The following CDH18 variants were observed in gnomAD, a reference collection of about 807,000 sequenced individuals.
The protein encoded by CDH18 is cadherin-18.
In CDH18, 31 loss-of-function variants were observed where a neutral mutation model predicts 67.9. That is an observed-to-expected ratio of 0.46 (90% confidence interval 0.34 to 0.62). The LOEUF (loss-of-function observed/expected upper bound fraction) is 0.62, where lower values mean the gene tolerates loss of function less well. Ranked by LOEUF, CDH18 falls within the 20% of genes least tolerant of loss-of-function variation. The pLI, the probability that CDH18 is intolerant of heterozygous loss-of-function variation, is 0.01. For missense variants in CDH18, 890 were observed against 975.5 expected, an observed-to-expected ratio of 0.91 and a Z score of 1.17; for synonymous variants, 362 against 347.2, an observed-to-expected ratio of 1.04 and a Z score of -0.48.
intron 1 of CDH18, among the ~76,000 whole-genome samples, chr5:20,336,718 C>G (rs1385417727): frequency 2.7e-5 from 1 of 36,878 alleles, no homozygotes; most frequent in African/African-American, 6.7e-5. Flanking sequence ...GAGGGAGCCT[C>G]TGTCTCAAAA....
intron 2 of CDH18, among the ~76,000 whole-genome samples, chr5:19,845,609 A>T (rs1229389967): frequency 1.3e-5 from 2 of 151,978 alleles, no homozygotes; most frequent in Non-Finnish European, 2.9e-5. Context: ...AAAGTTTAGT[A>T]TTGACAATTT....
At chr5:20,429,117 G>C (rs921170894) in intron 1 of CDH18, among the ~76,000 whole-genome samples, 5 of 151,336 alleles carry the variant, frequency 3.3e-5, no homozygotes, top group Non-Finnish European at 7.4e-5. Context: ...CTCTCCTCAA[G>C]AAAGACTGTG....
intron 5 of CDH18, among the ~76,000 whole-genome samples, chr5:19,623,403 A>G (rs1750999396): frequency 6.6e-6 from 1 of 152,210 alleles, no homozygotes; most frequent in African/African-American, 2.4e-5. Context: ...AACTAAAAAC[A>G]TTTAAATATC....
rs181591483 is a variant in CDH18, at chr5:19,490,069, T to C, written c.1631-6517A>G. 4.5e-3 allele frequency among the ~76,000 whole-genome samples: 692 copies of C among 152,202 alleles called. 11 individuals are homozygous for C. Among genetic ancestry groups the C allele is most frequent in the African/African-American group, 0.016 (646 of 41,554 alleles). On this transcript the variant is annotated intron_variant, in intron 11 of 12. Coordinates refer to ENST00000382275, the MANE Select transcript of CDH18 (RefSeq NM_004934.5). ...ACAAACCTTTTATAAACAGTATTTT[T>C]TTAGTAGAGAATGAATGAGTTAAAA...
intron 3 of CDH18, among the ~76,000 whole-genome samples, chr5:19,778,689 T>C (rs1561282057): frequency 1.3e-5 from 2 of 152,126 alleles, no homozygotes; most frequent in Non-Finnish European, 2.9e-5. Flanking sequence ...AAAGTCAAAC[T>C]AATGAACAAT....
chr5:20,197,145 G>A (rs888352632), intron 2 of CDH18, among the ~76,000 whole-genome samples: 1 of 152,104 alleles, frequency 6.6e-6, no homozygotes, highest in East Asian at 1.9e-4. Flanking sequence ...CCAAGTAGGT[G>A]GGACTACAGG....
At chr5:20,510,353 T>A (rs973243442) in intron 1 of CDH18, among the ~76,000 whole-genome samples, 2 of 152,170 alleles carry the variant, frequency 1.3e-5, no homozygotes, top group African/African-American at 4.8e-5. Flanking sequence ...CGCCCCTTCC[T>A]CTGTTGTTAT....
At chr5:19,664,920 G>T (rs1001332265) in intron 5 of CDH18, among the ~76,000 whole-genome samples, 1 of 151,956 alleles carries the variant, frequency 6.6e-6, no homozygotes, top group Non-Finnish European at 1.5e-5. Flanking sequence ...AAGGACTGAC[G>T]TAGAGTTGCG....
chr5:19,856,951 G>T (rs960091350), intron 2 of CDH18, among the ~76,000 whole-genome samples: 4 of 152,072 alleles, frequency 2.6e-5, no homozygotes, highest in African/African-American at 9.7e-5. Flanking sequence ...GGTTGGGCAA[G>T]ATCACTCACG....
chr5:19,738,028 T>C (rs1472402327), intron 4 of CDH18, among the ~76,000 whole-genome samples: 1 of 152,154 alleles, frequency 6.6e-6, no homozygotes, highest in African/African-American at 2.4e-5. Context: ...TGAATGGATA[T>C]GATAAATATA....
chr5:20,039,617 A>C (rs1018070978), intron 2 of CDH18, among the ~76,000 whole-genome samples: 1 of 152,170 alleles, frequency 6.6e-6, no homozygotes, highest in African/African-American at 2.4e-5. Context: ...CATTTAACAA[A>C]TCTTGTTGGG....
Position 20,281,033 on chromosome 5 carries a change from T to C in CDH18, c.-579-25528A>G, listed in dbSNP as rs1437843489. On this transcript the variant is annotated intron_variant, in intron 1 of 14. Coordinates refer to the CDH18 transcript ENST00000507958. ...TTGAGAAGTGTCTGTTCCTATCCTT[T>C]TCCCACTTTTTGATGGGGTTGTTTG... Among the ~76,000 whole-genome samples the C allele has an allele frequency of 2.8e-3, 430 of 152,270 alleles. 4 individuals are homozygous for C. Among genetic ancestry groups the C allele is most frequent in the African/African-American group, 9.9e-3 (410 of 41,514 alleles).
chr5:19,473,030 CTTT>C lies in CDH18; in HGVS notation c.*193_*195del, dbSNP rs34972691. The C allele has an allele frequency of 0.015, 6,148 of 401,388 alleles. No homozygotes were observed. Among genetic ancestry groups the C allele is most frequent in the Middle Eastern group, 0.02 (28 of 1,384 alleles). The allele number at this position is 401,388 out of a possible 1,614,324, so 24.9% of individuals were successfully genotyped here. On this transcript the variant is annotated 3_prime_UTR_variant, in exon 13 of 13. Transcript: ENST00000382275. ...AACAATAACTTTTTCTTTGTATTGT[CTTT>C]TTTTTTTTTTTTTTACTTTCTTCCA...
At chr5:20,228,510 G>T (rs529184055) in intron 2 of CDH18, among the ~76,000 whole-genome samples, 1 of 148,140 alleles carries the variant, frequency 6.8e-6, no homozygotes, top group African/African-American at 2.6e-5. Context: ...CATTTTTAAA[G>T]AATGCAATAT....
At chr5:19,641,530 C>A (rs759295412) in intron 5 of CDH18, among the ~76,000 whole-genome samples, 8 of 151,910 alleles carry the variant, frequency 5.3e-5, no homozygotes, top group Middle Eastern at 3.2e-3. Flanking sequence ...TTGCAAGAAT[C>A]GTTTAACATA....
At chr5:19,910,017 TC>T (rs1790952345) in intron 2 of CDH18, among the ~76,000 whole-genome samples, 1 of 152,174 alleles carries the variant, frequency 6.6e-6, no homozygotes, top group South Asian at 2.1e-4. Context: ...GTAATAAACA[TC>T]CTTTATGGGT....
chr5:19,605,489 C>A (rs896957705), intron 6 of CDH18, among the ~76,000 whole-genome samples: 7 of 151,736 alleles, frequency 4.6e-5, no homozygotes, highest in African/African-American at 1.7e-4. Context: ...TCAATTTAGC[C>A]ACATAGAATA....
chr5:19,815,455 T>C (rs1187034694), intron 3 of CDH18, among the ~76,000 whole-genome samples: 3 of 151,752 alleles, frequency 2.0e-5, no homozygotes, highest in Non-Finnish European at 3.0e-5. Flanking sequence ...AAAAGCTATC[T>C]TTTTTCTAAA....
intron 5 of CDH18, among the ~76,000 whole-genome samples, chr5:19,717,744 T>C (rs573844328): frequency 4.6e-5 from 7 of 152,072 alleles, no homozygotes; most frequent in East Asian, 1.9e-4. Flanking sequence ...TCAAAATGCA[T>C]TGCTTAGGTT....
Sources: allele counts gnomAD v4.1 joint callset (sites outside exome capture counted in the v4.1 genomes callset), GRCh38; gene constraint gnomAD v4.1.1; transcripts MANE v1.5; gene names NCBI Gene and HGNC (gene_info 2026-07-23, HGNC 2026-07-21).